Variants in LARP1 observed in about 807,000 individuals in gnomAD.
LARP1 encodes the protein La ribonucleoprotein 1, translational regulator.
LARP1 carries 36 observed loss-of-function variants against 122.7 expected under a neutral mutation model. The observed-to-expected ratio is 0.29, with a 90% CI of 0.22 to 0.39. The LOEUF (loss-of-function observed/expected upper bound fraction) is 0.39, where lower values mean the gene tolerates loss of function less well. Among genes scored for constraint, LARP1 ranks in the 10% least tolerant of loss-of-function variants. LARP1 has a pLI of 1.00. For synonymous variants in LARP1, 539 were observed against 528.7 expected, an observed-to-expected ratio of 1.02 and a Z score of -0.27; for missense variants, 1,040 against 1,403.6, an observed-to-expected ratio of 0.74 and a Z score of 4.14.
At chr5:154,685,245 GAA>G (rs112022253) in intron 1 of LARP1, among the ~76,000 whole-genome samples, 2 of 136,476 alleles carry the variant, frequency 1.5e-5, no homozygotes. Context: ...CAACATCTCA[GAA>G]AAAAAAAAAA....
intron 1 of LARP1, among the ~76,000 whole-genome samples, chr5:154,706,301 T>C (rs1438730637): frequency 7.6e-5 from 2 of 26,354 alleles, no homozygotes; most frequent in Non-Finnish European, 2.8e-4. Flanking sequence ...CTCAAAATAA[T>C]AATAATAATA....
At chr5:154,744,858 C>A (rs1238080209) in intron 1 of LARP1, among the ~76,000 whole-genome samples, 1 of 132,018 alleles carries the variant, frequency 7.6e-6, no homozygotes, top group African/African-American at 3.1e-5. Flanking sequence ...GGGATGGTCT[C>A]GATCTCCTGA....
chr5:154,700,514 A>G (rs1754660925), intron 1 of LARP1, among the ~76,000 whole-genome samples: 1 of 152,038 alleles, frequency 6.6e-6, no homozygotes, highest in South Asian at 2.1e-4. Context: ...CCTGGGCAAC[A>G]GAGTGAGACC....
intron 1 of LARP1, among the ~76,000 whole-genome samples, chr5:154,699,309 T>C (rs1010916288): frequency 1.2e-4 from 18 of 152,134 alleles, no homozygotes; most frequent in African/African-American, 4.1e-4. Context: ...TAAAGATTCT[T>C]GGGCCCCATT....
chr5:154,728,534 A>G (rs966670140), intron 1 of LARP1, among the ~76,000 whole-genome samples: 5 of 152,174 alleles, frequency 3.3e-5, no homozygotes, highest in Admixed American at 2.6e-4. Flanking sequence ...AGTTGAGCCT[A>G]TCCTTCTGGG....
upstream of LARP1, among the ~76,000 whole-genome samples, chr5:154,755,169 A>G (rs898620765): frequency 2.3e-4 from 35 of 150,034 alleles, no homozygotes; most frequent in Admixed American, 6.6e-4. Flanking sequence ...GGAATCGGAG[A>G]CGAGGGGCGG....
At position 154,803,834 on chromosome 5, in the gene LARP1, T is replaced by G; in HGVS notation, c.2439+89T>G. ...CTTCTCTCCCTTGCCTTGTCTGAGC[T>G]AAGGAAGTGCTAAATCCTTCACCTG... On this transcript the variant is annotated intron_variant, in intron 13 of 18. Transcript: ENST00000518297. The surrounding 1 kb of genome is among the most constrained non-coding windows in gnomAD (Gnocchi z 4.4). The G allele has an allele frequency of 7.5e-7, 1 of 1,325,462 alleles. No homozygotes were observed. The highest frequency in any genetic ancestry group is 1.2e-5 in the South Asian group (1 of 80,476). The allele number at this position is 1,325,462 out of a possible 1,614,324, so 82.1% of individuals were successfully genotyped here.
At chr5:154,726,519 T>C (rs776069333) in intron 1 of LARP1, among the ~76,000 whole-genome samples, 3 of 152,152 alleles carry the variant, frequency 2.0e-5, no homozygotes, top group Non-Finnish European at 4.4e-5. Flanking sequence ...GTGATTAATA[T>C]AGTCAAGAAA....
chr5:154,760,887 C>T (rs780658739), intron 1 of LARP1, among the ~76,000 whole-genome samples: 1 of 152,144 alleles, frequency 6.6e-6, no homozygotes, highest in Non-Finnish European at 1.5e-5. Context: ...TGTCCAAAGA[C>T]ATTTTGATGA....
At chr5:154,778,258 T>TTAA (rs1326085254) in intron 1 of LARP1, among the ~76,000 whole-genome samples, 8 of 119,710 alleles carry the variant, frequency 6.7e-5, no homozygotes, top group Admixed American at 9.0e-5. Context: ...AGACTCCGTC[T>TTAA]AAAAAAAAAA....
chr5:154,780,955 C>T (rs1037293030), intron 1 of LARP1, among the ~76,000 whole-genome samples: 4 of 151,750 alleles, frequency 2.6e-5, no homozygotes, highest in South Asian at 2.1e-4. Flanking sequence ...CCCAGCTACT[C>T]GGGAGGCTGA....
chr5:154,729,589 C>G (rs545211462), intron 1 of LARP1: 6 of 430,326 alleles, frequency 1.4e-5, no homozygotes, highest in Non-Finnish European at 2.7e-5. Flanking sequence ...AGAAAGGTAC[C>G]TGGGTTCAGA....
At chr5:154,755,234 G>T (rs1252862677), upstream of LARP1, among the ~76,000 whole-genome samples, 1 of 97,664 alleles carries the variant, frequency 1.0e-5, no homozygotes, top group Non-Finnish European at 2.1e-5. Flanking sequence ...CCTCCTGCCC[G>T]CCCGTCGCCC....
rs144538564 is a variant in LARP1 at position 154,794,246 on chromosome 5, T to C, written c.1216T>C (p.Tyr406His). Residue 406 changes from tyrosine (Y) to histidine (H), a missense_variant, in exon 7 of 19, where the codon TAC (tyrosine) becomes CAC (histidine). By Grantham distance (83) the Tyr-to-His change is moderately conservative (BLOSUM62 2). Transcript: ENST00000518297. ...TGTGGATCAGGAACTGCTCAAAGAC[T>C]ACATCAAGCGCCAGATGTGAGTGTG... ...YSVDQELLKD[Y>H]IKRQIEYYFS... is the part of the protein sequence containing the mutation. The C allele has an allele frequency of 4.3e-6, 7 of 1,613,902 alleles. No individual in the cohort carries two copies. The highest frequency in any genetic ancestry group is 5.9e-6 in the Non-Finnish European group (7 of 1,179,964).
chr5:154,794,130 A>C lies in LARP1; in HGVS notation c.1100A>C (p.Lys367Thr), dbSNP rs1757564667. The C allele has an allele frequency of 6.2e-7, 1 of 1,614,148 alleles. No homozygotes were observed. The highest frequency in any genetic ancestry group is 8.5e-7 in the Non-Finnish European group (1 of 1,180,020). Reference protein sequence around the residue: ...THFDYQFGYRKFDGVEGPRTP... With the variant: ...THFDYQFGYRTFDGVEGPRTP... ...TTTGACTACCAGTTTGGCTACCGAA[A>C]GTTTGATGGTGTGGAGGGGCCTCGT... The change falls in exon 7 of 19, where the codon AAG (lysine) becomes ACG (threonine). Residue 367 changes from lysine to threonine, a missense_variant. Around this residue, in one of 8 missense-constraint regions of LARP1, gnomAD observed 178 missense variants for 178.3 expected, o/e 1.00. Coordinates refer to ENST00000518297, the MANE Select transcript of LARP1 (RefSeq NM_033551.3).
In LARP1 at chr5:154,794,184, A is replaced by G. The variant is rs1179432012; in HGVS notation, c.1154A>G (p.Tyr385Cys). The change falls in exon 7 of 19, where the codon TAC becomes TGC. Residue 385 changes from tyrosine to cysteine, a missense_variant. This residue lies in a region of LARP1 where 362 missense variants were observed against 533.1 expected (regional missense o/e 0.68). Transcript: ENST00000518297. ...RTPKYMNNIT[Y>C]YFDNVSSTEL... ...CCCAAGTACATGAACAACATCACCT[A>G]CTACTTTGACAATGTCAGCAGCACC... The G allele has an allele frequency of 1.2e-6, 2 of 1,614,206 alleles. No homozygotes were observed. The highest frequency in any genetic ancestry group is 1.1e-5 in the South Asian group (1 of 91,084).
At chr5:154,757,406 G>A (rs539816534) in intron 1 of LARP1, 7 of 151,698 alleles carry the variant, frequency 4.6e-5, no homozygotes, top group African/African-American at 1.7e-4. Flanking sequence ...GGCTTGGGTG[G>A]GGGGGGCGCG....
intron 1 of LARP1, among the ~76,000 whole-genome samples, chr5:154,769,098 C>CA (rs1183086281): frequency 5.9e-5 from 9 of 152,202 alleles, no homozygotes; most frequent in African/African-American, 2.2e-4. Context: ...CTCGGCCTCT[C>CA]AAAGTGCAGG....
At chr5:154,727,522 G>T (rs367894881) in intron 1 of LARP1, among the ~76,000 whole-genome samples, 3 of 152,084 alleles carry the variant, frequency 2.0e-5, no homozygotes, top group Non-Finnish European at 4.4e-5. Flanking sequence ...GGGTGGTATT[G>T]GTCAAAGGCT....
Sources: gnomAD v4.1 joint callset for allele counts (sites outside exome capture counted in the v4.1 genomes callset) on GRCh38, gnomAD v4.1.1 for gene constraint, gnomAD v4.1.1 regional missense constraint, Gnocchi (gnomAD v3.1) non-coding constraint, MANE v1.5 for transcripts, NCBI Gene and HGNC (gene_info 2026-07-23, HGNC 2026-07-21) for gene names.